PRDM15: variants seen among roughly 807,000 people sequenced by gnomAD.
PRDM15 encodes PR/SET domain 15, also known as PR domain zinc finger protein 15.
Under a neutral mutation model 128.6 loss-of-function variants are expected in PRDM15, and 64 were observed. The ratio of observed to expected loss-of-function variants is 0.50; its 90% CI spans 0.41 to 0.61. The LOEUF is 0.61. PRDM15 is among the 20% of genes least tolerant of loss of function. The pLI is 0.00. For missense variants in PRDM15, 1,242 were observed against 1,569.1 expected (o/e 0.79, Z 3.52); for synonymous variants, 615 against 621.8 (o/e 0.99, Z 0.16).
chr21:41,878,987 CGGCGGGACCCGGCG>C, intron 1 of PRDM15: 4 of 999,388 alleles, frequency 4.0e-6, no homozygotes, highest in Non-Finnish European at 3.6e-6. Context: ...GCGCCCGCGG[CGGCGGGACCCGGCG>C]GGCGGGCGGC....
At chr21:41,806,405 ACCACCATCACCACCACCAC>A (rs2061632101) in intron 21 of PRDM15, among the ~76,000 whole-genome samples, 1 of 51,096 alleles carries the variant, frequency 2.0e-5, no homozygotes, top group Non-Finnish European at 5.0e-5. Flanking sequence ...CACCACCACC[ACCACCATCACCACCACCAC>A]CATCACCACC....
chr21:41,818,118 G>A (rs188335179), intron 18 of PRDM15, among the ~76,000 whole-genome samples: 16 of 152,262 alleles, frequency 1.1e-4, no homozygotes, highest in African/African-American at 3.9e-4. Context: ...CTCCAGCCAG[G>A]CTCACCACAC....
At position 41,859,484 on chromosome 21, in the gene PRDM15, C is replaced by T. The variant is rs567259942; in HGVS notation, c.131+108G>A. The T allele has an allele frequency of 5.6e-5, 50 of 896,100 alleles. No homozygotes were observed. Among genetic ancestry groups the T allele is most frequent in the Middle Eastern group, 2.7e-4 (1 of 3,662 alleles). 55.5% of individuals were successfully genotyped at this position (896,100 alleles called of 1,614,324 possible). A position where few individuals can be genotyped will look rare whatever the true frequency, so the allele number is the denominator to read the frequency against. ...AATCGCTGGCTCTCACTCAGAGTGC[C>T]TCTGTTCTCCCTCAGGCTCCTTCCT... On this transcript the variant is annotated intron_variant, in intron 3 of 23. Coordinates refer to ENST00000398548, the MANE Select transcript of PRDM15 (RefSeq NM_001040424.3). The surrounding 1 kb of genome is among the most constrained non-coding windows in gnomAD (Gnocchi z 5.3).
chr21:41,803,516 G>A (rs1256299988), intron 22 of PRDM15, among the ~76,000 whole-genome samples: 21 of 152,196 alleles, frequency 1.4e-4, no homozygotes, highest in Non-Finnish European at 5.9e-5. Context: ...CACAGAGGCC[G>A]CGGGGCAGTG....
intron 1 of PRDM15, among the ~76,000 whole-genome samples, chr21:41,865,794 G>C (rs988294647): frequency 1.3e-5 from 2 of 152,098 alleles, no homozygotes; most frequent in African/African-American, 4.8e-5. Context: ...ACCCAAGCTG[G>C]AGTATAATGG....
intron 6 of PRDM15, among the ~76,000 whole-genome samples, chr21:41,841,285 C>A (rs2063066443): frequency 6.6e-6 from 1 of 152,128 alleles, no homozygotes; most frequent in South Asian, 2.1e-4. Flanking sequence ...GCAGTGATTA[C>A]CTATGAAGGA....
At chr21:41,861,541 C>CA (rs776412010) in intron 1 of PRDM15, 110 of 1,567,462 alleles carry the variant, frequency 7.0e-5, no homozygotes, top group Non-Finnish European at 8.8e-5. Context: ...TCTGCCCCCC[C>CA]CCAATCCCCA....
chr21:41,817,852 A>G (rs1302006622), intron 18 of PRDM15, among the ~76,000 whole-genome samples: 1 of 152,274 alleles, frequency 6.6e-6, no homozygotes, highest in Admixed American at 6.5e-5. Flanking sequence ...TATTAATGCC[A>G]GCATTTTATT....
In PRDM15 at chr21:41,878,742, C is replaced by A. The variant is rs763251887; in HGVS notation, c.-10+528G>T. The stretch of plus-strand genomic sequence containing the variant: ...CGGGGTTGGGGGTCCAGGGACCCCC[C>A]CGTGCGACCCGCATGGGCTGTACCC... On this transcript the variant is annotated intron_variant, in intron 1 of 23. Coordinates refer to ENST00000398548, the MANE Select transcript of PRDM15 (RefSeq NM_001040424.3). 3.2e-6 allele frequency: 5 copies of A among 1,565,844 alleles called. No homozygotes were observed. In the South Asian group the frequency reaches 3.4e-5, roughly 11 times the overall value.
chr21:41,818,202 C>T (rs1437715813), intron 18 of PRDM15, among the ~76,000 whole-genome samples: 2 of 152,210 alleles, frequency 1.3e-5, no homozygotes, highest in African/African-American at 4.8e-5. Context: ...GGGCTGGGAG[C>T]TTAAGGCAGA....
Position 41,819,611 on chromosome 21 carries a change from C to T in PRDM15, c.2231G>A (p.Arg744His), listed in dbSNP as rs758137031. Residue 744 changes from arginine to histidine, a missense_variant, in exon 18 of 24, where the codon CGC becomes CAC. By Grantham distance (29) the Arg-to-His change is conservative (BLOSUM62 0). Transcript: ENST00000398548. ...KEHMRVHDNV[R>H]EYLCAECGKG... is the part of the protein sequence containing the mutation. ...CCCACACTCGGCACACAGGTACTCG[C>T]GGACATTGTCGTGCACACGCATGTG... 7.4e-6 allele frequency: 12 copies of T among 1,612,718 alleles called. No individual in the cohort carries two copies. The East Asian group carries it at 8.9e-5, about 12-fold the overall frequency.
At chr21:41,804,253 C>T (rs1300954014) in intron 22 of PRDM15, among the ~76,000 whole-genome samples, 4 of 152,308 alleles carry the variant, frequency 2.6e-5, no homozygotes, top group East Asian at 1.9e-4. Flanking sequence ...CGTGAGCCAC[C>T]GCGCCCAGCC....
At position 41,879,291 on chromosome 21, in the gene PRDM15, C is replaced by A; in HGVS notation, c.-31G>T. 9.3e-7 allele frequency: 1 copy of A among 1,074,448 alleles called. No individual in the cohort carries two copies. The allele number at this position is 1,074,448 out of a possible 1,614,324, so 66.6% of individuals were successfully genotyped here. A position where few individuals can be genotyped will look rare whatever the true frequency, so the allele number is the denominator to read the frequency against. On this transcript the variant is annotated 5_prime_UTR_variant, in exon 1 of 24. Coordinates refer to ENST00000398548, the MANE Select transcript of PRDM15 (RefSeq NM_001040424.3). The surrounding 1 kb of genome is among the most constrained non-coding windows in gnomAD (Gnocchi z 5.1). Reference sequence around the variant, plus strand: ...TTACCTGCCTTTGGAATGTGCAGAGCGGGATCGGATCCGGACTCCGGGTTG... The same window carrying A: ...TTACCTGCCTTTGGAATGTGCAGAGAGGGATCGGATCCGGACTCCGGGTTG...
intron 18 of PRDM15, among the ~76,000 whole-genome samples, chr21:41,819,315 C>T (rs1016802923): frequency 2.7e-5 from 4 of 149,378 alleles, no homozygotes; most frequent in South Asian, 2.1e-4. Context: ...CCGTGGCCCC[C>T]AGCACCCACA....
At chr21:41,816,018 G>C (rs1455870570) in intron 18 of PRDM15, among the ~76,000 whole-genome samples, 182 bp from the exon 19 acceptor site, 1 of 152,250 alleles carries the variant, frequency 6.6e-6, no homozygotes, top group African/African-American at 2.4e-5. Context: ...ACTGTGCCCA[G>C]AGGCCGGGAG....
Position 41,810,366 on chromosome 21 carries a change from A to T in PRDM15, c.2477-37T>A. The T allele has an allele frequency of 6.3e-7, 1 of 1,589,322 alleles. No individual in the cohort carries two copies. On this transcript the variant is annotated intron_variant, in intron 20 of 23. Coordinates refer to ENST00000398548, the MANE Select transcript of PRDM15 (RefSeq NM_001040424.3). This position sits in a 1 kb window ranked among gnomAD's most constrained non-coding sequence, Gnocchi z 6.4. ...CACGCAGACACACATGCGCGTGGAA[A>T]GGAAGAGACACGCAGGTCACTAGTG...
chr21:41,828,361 C>A lies in PRDM15; in HGVS notation c.1367-28G>T, dbSNP rs749180500. 6.2e-7 allele frequency: 1 copy of A among 1,612,044 alleles called. No individual in the cohort carries two copies. The highest frequency in any genetic ancestry group is 8.5e-7 in the Non-Finnish European group (1 of 1,178,606). On this transcript the variant is annotated intron_variant, in intron 11 of 23. Coordinates refer to ENST00000398548, the MANE Select transcript of PRDM15 (RefSeq NM_001040424.3). This position sits in a 1 kb window ranked among gnomAD's most constrained non-coding sequence, Gnocchi z 5.7. ...GTCCAGAGAGCAAACAAACACACAACGATTTTGAGGTAAATAACATCTCAC... is the reference window on the plus strand; with the variant it reads ...GTCCAGAGAGCAAACAAACACACAAAGATTTTGAGGTAAATAACATCTCAC...
At chr21:41,872,006 T>C (rs2064232014) in intron 1 of PRDM15, 1 of 166,142 alleles carries the variant, frequency 6.0e-6, no homozygotes, top group Non-Finnish European at 1.3e-5. Context: ...TCTTTCTTTT[T>C]GTCTTCTCTA....
In PRDM15 at chr21:41,828,436, A is replaced by G; in HGVS notation, c.1367-103T>C. On this transcript the variant is annotated intron_variant, in intron 11 of 23. Transcript: ENST00000398548. This position sits in a 1 kb window ranked among gnomAD's most constrained non-coding sequence, Gnocchi z 5.7. ...CGTCAATAAAGCGCGGGTGACGGGCATGAGAGTCACGGGGATGCGTGGCCA... is the reference window on the plus strand; with the variant it reads ...CGTCAATAAAGCGCGGGTGACGGGCGTGAGAGTCACGGGGATGCGTGGCCA... The G allele has an allele frequency of 1.6e-6, 2 of 1,218,868 alleles. No individual in the cohort carries two copies. The highest frequency in any genetic ancestry group is 1.3e-5 in the South Asian group (1 of 77,794). 75.5% of individuals were successfully genotyped at this position (1,218,868 alleles called of 1,614,324 possible).
Sources: allele counts gnomAD v4.1 joint callset (sites outside exome capture counted in the v4.1 genomes callset), GRCh38; gene constraint gnomAD v4.1.1; non-coding constraint Gnocchi (gnomAD v3.1); transcripts MANE v1.5; gene names NCBI Gene and HGNC (gene_info 2026-07-23, HGNC 2026-07-21).